The following MINDY3 variants were observed in gnomAD, a reference collection of about 807,000 sequenced individuals.
The protein encoded by MINDY3 is ubiquitin carboxyl-terminal hydrolase MINDY-3.
A neutral mutation model predicts 69.2 loss-of-function variants in MINDY3; 38 were observed. That is an observed-to-expected ratio of 0.55 (90% CI 0.42 to 0.72). The LOEUF (loss-of-function observed/expected upper bound fraction) is 0.72. Ranked by LOEUF, MINDY3 falls within the 30% of genes least tolerant of loss-of-function variation. MINDY3 has a pLI of 0.00. For missense variants in MINDY3, 522 were observed against 519.0 expected (o/e 1.01, Z -0.06); for synonymous variants, 192 against 180.1 (o/e 1.07, Z -0.53).
chr10:15,792,558 CA>C (rs1314283327), intron 11 of MINDY3, among the ~76,000 whole-genome samples: 2 of 151,980 alleles, frequency 1.3e-5, no homozygotes, highest in Non-Finnish European at 2.9e-5. Flanking sequence ...ACAGAAAAGA[CA>C]AGGCAATTCT....
intron 12 of MINDY3, among the ~76,000 whole-genome samples, chr10:15,788,628 G>T (rs1405900411): frequency 6.6e-6 from 1 of 151,986 alleles, no homozygotes; most frequent in Non-Finnish European, 1.5e-5. Context: ...CACTTAAGAA[G>T]AGTTATTTTT....
chr10:15,782,453 T>A (rs1836620276), intron 13 of MINDY3: 2 of 466,352 alleles, frequency 4.3e-6, no homozygotes, highest in South Asian at 7.5e-5. Context: ...TTGATTTCCA[T>A]TATAAGCTCT....
chr10:15,832,294 A>G (rs1279782674), intron 8 of MINDY3, among the ~76,000 whole-genome samples: 1 of 152,126 alleles, frequency 6.6e-6, no homozygotes, highest in African/African-American at 2.4e-5. Flanking sequence ...GCAAGAACCT[A>G]TTGCTTCCCT....
chr10:15,831,184 G>A (rs79229604), intron 8 of MINDY3, among the ~76,000 whole-genome samples: 1 of 152,270 alleles, frequency 6.6e-6, no homozygotes, highest in East Asian at 1.9e-4. Flanking sequence ...TAGAAAAAAG[G>A]GTTACAATGT....
intron 1 of MINDY3, among the ~76,000 whole-genome samples, chr10:15,850,030 G>T (rs1210421541): frequency 1.6e-4 from 24 of 152,156 alleles, no homozygotes; most frequent in Admixed American, 1.6e-3. Context: ...AAATCGTGAA[G>T]ATTTCATGGA....
chr10:15,805,608 G>C (rs1158981306), intron 10 of MINDY3, among the ~76,000 whole-genome samples: 1 of 152,092 alleles, frequency 6.6e-6, no homozygotes, highest in African/African-American at 2.4e-5. Context: ...GTTGCTAAGT[G>C]ACCTGAAGTA....
chr10:15,780,552 T>C (rs1345204747), intron 14 of MINDY3, among the ~76,000 whole-genome samples: 1 of 152,228 alleles, frequency 6.6e-6, no homozygotes, highest in Non-Finnish European at 1.5e-5. Flanking sequence ...CCCACCTCCA[T>C]GGCCTCAATC....
At chr10:15,781,237 T>C (rs1206253671) in intron 14 of MINDY3, among the ~76,000 whole-genome samples, 1 of 151,832 alleles carries the variant, frequency 6.6e-6, no homozygotes, top group African/African-American at 2.4e-5. Flanking sequence ...TAGCAGTAAA[T>C]TTTAGTCTTT....
intron 4 of MINDY3, 117 bp downstream of exon 4, chr10:15,841,308 AG>A: frequency 1.3e-6 from 1 of 769,510 alleles, no homozygotes; most frequent in South Asian, 2.0e-5. Flanking sequence ...ATTAAGCTTA[AG>A]CTGGAAAAGA....
chr10:15,836,734 A>T (rs1392374584), intron 6 of MINDY3, among the ~76,000 whole-genome samples: 1 of 151,812 alleles, frequency 6.6e-6, no homozygotes, highest in Admixed American at 6.6e-5. Flanking sequence ...GACTATAAAA[A>T]TTTAGAGGAG....
At chr10:15,842,282 T>C (rs1833524920) in intron 3 of MINDY3, among the ~76,000 whole-genome samples, 1 of 151,950 alleles carries the variant, frequency 6.6e-6, no homozygotes. Context: ...CTGTCTCTCC[T>C]AATGGATTAA....
chr10:15,818,793 C>G (rs1386781528), intron 9 of MINDY3, among the ~76,000 whole-genome samples: 1 of 152,158 alleles, frequency 6.6e-6, no homozygotes, highest in Non-Finnish European at 1.5e-5. Flanking sequence ...GGTAAATCCA[C>G]AGAGGCAGAA....
chr10:15,827,690 A>C (rs935706620), intron 8 of MINDY3, among the ~76,000 whole-genome samples: 1 of 152,160 alleles, frequency 6.6e-6, no homozygotes, highest in Non-Finnish European at 1.5e-5. Flanking sequence ...ATTTATAAAG[A>C]GCTCCTAGAA....
In MINDY3 at chr10:15,779,164, C is replaced by T. The variant is rs1324868584; in HGVS notation, c.1189-23G>A. 2.5e-6 allele frequency: 4 copies of T among 1,603,472 alleles called. No individual in the cohort carries two copies. In the African/African-American group the frequency reaches 4.0e-5, roughly 16 times the overall value. Reference sequence around the variant, plus strand: ...GACCTGTTGAACAAAATAAAGCCACCAAGGTCAAGCAACAGTCTTAGCAAA... The same window carrying T: ...GACCTGTTGAACAAAATAAAGCCACTAAGGTCAAGCAACAGTCTTAGCAAA... On this transcript the variant is annotated intron_variant, in intron 14 of 14. Coordinates refer to ENST00000277632, the MANE Select transcript of MINDY3 (RefSeq NM_024948.4).
chr10:15,792,844 A>G (rs1303147718), intron 11 of MINDY3, among the ~76,000 whole-genome samples: 4 of 152,084 alleles, frequency 2.6e-5, no homozygotes, highest in Admixed American at 2.0e-4. Context: ...GACACTACCT[A>G]TGTAGACCTT....
intron 1 of MINDY3, among the ~76,000 whole-genome samples, chr10:15,849,125 A>G (rs1386420799): frequency 6.6e-6 from 1 of 152,254 alleles, no homozygotes; most frequent in Non-Finnish European, 1.5e-5. Context: ...TATTGTGGAT[A>G]CAGAAAGGCA....
In MINDY3 at chr10:15,798,103, G is replaced by A. The variant is rs140176345; in HGVS notation, c.883-1931C>T. Among the ~76,000 whole-genome samples the A allele has an allele frequency of 3.4e-3, 517 of 151,920 alleles. 2 individuals carry two copies. Among genetic ancestry groups the A allele is most frequent in the African/African-American group, 0.012 (490 of 41,424 alleles). ...TGTTACATTCTCAACCTTTTTTTGC[G>A]GTCACCAATGAATGAGGAAAAGTTC... is the stretch of plus-strand genomic sequence containing the variant. On this transcript the variant is annotated intron_variant, in intron 10 of 14. Coordinates refer to ENST00000277632, the MANE Select transcript of MINDY3 (RefSeq NM_024948.4).
At chr10:15,811,749 C>G (rs1055099719) in intron 10 of MINDY3, among the ~76,000 whole-genome samples, 15 of 152,068 alleles carry the variant, frequency 9.9e-5, no homozygotes, top group African/African-American at 3.6e-4. Context: ...CATATGTGCA[C>G]TTTCTCCTTA....
At chr10:15,822,497 T>C (rs189765402) in intron 8 of MINDY3, among the ~76,000 whole-genome samples, 1 of 152,148 alleles carries the variant, frequency 6.6e-6, no homozygotes, top group Non-Finnish European at 1.5e-5. Context: ...CAAACAGGTA[T>C]GAAAAATCGA....
Sources: allele counts gnomAD v4.1 joint callset (sites outside exome capture counted in the v4.1 genomes callset), GRCh38; gene constraint gnomAD v4.1.1; transcripts MANE v1.5; gene names NCBI Gene and HGNC (gene_info 2026-07-23, HGNC 2026-07-21).